LOC400499: variants seen among roughly 807,000 people sequenced by gnomAD.
At chr16:11,414,783 A>G in the LOC400499 span, among the ~76,000 whole-genome samples, 1 of 152,172 alleles carries the variant, frequency 6.6e-6, no homozygotes, top group Non-Finnish European at 1.5e-5. Context: ...TTCTCCAAGA[A>G]GCTTCCCTTG....
chr16:11,397,892 T>G, the LOC400499 span, among the ~76,000 whole-genome samples: 1 of 151,214 alleles, frequency 6.6e-6, no homozygotes, highest in Non-Finnish European at 1.5e-5. Flanking sequence ...TATACGGGGA[T>G]GGATGGAAGA....
At chr16:11,425,524 G>A in the LOC400499 span, 9 of 398,054 alleles carry the variant, frequency 2.3e-5, no homozygotes, top group South Asian at 1.1e-3. Flanking sequence ...GGGGTAAGAA[G>A]TTGCTAGATT....
the LOC400499 span, chr16:11,392,453 G>C: frequency 2.5e-6 from 1 of 399,048 alleles, no homozygotes; most frequent in Middle Eastern, 6.3e-4. Context: ...CGCCTCGGCT[G>C]TCCGCCCATG....
the LOC400499 span, among the ~76,000 whole-genome samples, chr16:11,427,618 A>T: frequency 2.0e-5 from 3 of 151,786 alleles, no homozygotes; most frequent in African/African-American, 7.3e-5. Context: ...TAATTTTTTT[A>T]AAATTTTTGT....
At chr16:11,518,522 C>T in the LOC400499 span, among the ~76,000 whole-genome samples, 1 of 152,190 alleles carries the variant, frequency 6.6e-6, no homozygotes, top group East Asian at 1.9e-4. Context: ...CCAGAACACA[C>T]TCAACAACAA....
chr16:11,498,703 T>G, the LOC400499 span, among the ~76,000 whole-genome samples: 40 of 151,346 alleles, frequency 2.6e-4, no homozygotes, highest in African/African-American at 9.5e-4. Flanking sequence ...CAGAGAGGCA[T>G]GAGCTCTGGC....
the LOC400499 span, chr16:11,459,824 T>A: frequency 1.6e-6 from 2 of 1,247,634 alleles, no homozygotes; most frequent in South Asian, 3.5e-5. Flanking sequence ...GAGGGCCATG[T>A]GGGGGTTCCC....
the LOC400499 span, among the ~76,000 whole-genome samples, chr16:11,485,631 C>T: frequency 6.6e-5 from 10 of 152,204 alleles, no homozygotes; most frequent in African/African-American, 2.4e-4. Context: ...TCTGCCTCTC[C>T]ACCTTCCATC....
At chr16:11,404,710 G>A in the LOC400499 span, 1 of 399,036 alleles carries the variant, frequency 2.5e-6, no homozygotes, top group Non-Finnish European at 4.4e-6. Flanking sequence ...TCACCCTGCA[G>A]GCTGAGGTTC....
chr16:11,450,696 G>T, the LOC400499 span: 6 of 1,536,144 alleles, frequency 3.9e-6, no homozygotes, highest in Non-Finnish European at 5.2e-6. Flanking sequence ...TGACCACCAG[G>T]TCCTTTAGGG....
the LOC400499 span, among the ~76,000 whole-genome samples, chr16:11,482,901 A>C: frequency 6.6e-6 from 1 of 152,194 alleles, no homozygotes; most frequent in East Asian, 1.9e-4. Flanking sequence ...CAAAAAAAAA[A>C]AAAAGGAAAA....
the LOC400499 span, chr16:11,381,230 A>G: frequency 6.6e-6 from 1 of 151,952 alleles, no homozygotes; most frequent in African/African-American, 2.4e-5. Context: ...TCATGCATTT[A>G]TTTCCCATTG....
At chr16:11,456,556 A>G in the LOC400499 span, among the ~76,000 whole-genome samples, 15 of 152,308 alleles carry the variant, frequency 9.8e-5, no homozygotes, top group African/African-American at 3.6e-4. Flanking sequence ...CGATGTAATT[A>G]TAAGCATCAC....
At chr16:11,456,385 C>T in the LOC400499 span, among the ~76,000 whole-genome samples, 4 of 151,532 alleles carry the variant, frequency 2.6e-5, no homozygotes, top group Admixed American at 2.0e-4. Context: ...ACAGTGTTTT[C>T]GAGACACAAA....
the LOC400499 span, chr16:11,473,232 G>C: frequency 6.6e-5 from 10 of 151,026 alleles, no homozygotes; most frequent in African/African-American, 2.2e-4. Flanking sequence ...GTATGTTATA[G>C]TTTCAAGTTT....
the LOC400499 span, among the ~76,000 whole-genome samples, chr16:11,447,575 T>A: frequency 1.3e-5 from 2 of 152,146 alleles, no homozygotes; most frequent in African/African-American, 4.8e-5. Flanking sequence ...AGCTGCTCAA[T>A]GCATAGCCCG....
At chr16:11,385,138 C>G in the LOC400499 span, 1 of 1,231,152 alleles carries the variant, frequency 8.1e-7, no homozygotes, top group South Asian at 4.1e-5. Flanking sequence ...GCCATCCCCC[C>G]AGGCGACCTG....
the LOC400499 span, chr16:11,390,397 C>T: frequency 4.1e-5 from 51 of 1,245,916 alleles, no homozygotes; most frequent in Non-Finnish European, 4.7e-5. Context: ...TGCTCGCTCC[C>T]GCCACACCTC....
the LOC400499 span, among the ~76,000 whole-genome samples, chr16:11,397,791 G>GATGCA: frequency 7.6e-6 from 1 of 131,798 alleles, no homozygotes; most frequent in Non-Finnish European, 1.6e-5. Context: ...GGGAGGGAGG[G>GATGCA]AGGGAGGGAT....
Sources: allele counts gnomAD v4.1 joint callset (sites outside exome capture counted in the v4.1 genomes callset), GRCh38; gene constraint gnomAD v4.1.1; transcripts MANE v1.5.